Variants in ANO6 observed in about 807,000 individuals in gnomAD.
ANO6 encodes anoctamin 6.
ANO6 carries 106 observed loss-of-function variants against 117.5 expected under a neutral mutation model. The observed-to-expected ratio is 0.90, with a 90% CI of 0.77 to 1.06. The LOEUF (loss-of-function observed/expected upper bound fraction) is 1.06, where lower values mean the gene tolerates loss of function less well. Among genes scored for constraint, ANO6 ranks in the 50% least tolerant of loss-of-function variants. The probability of loss-of-function intolerance (pLI) is 0.00; values close to 1 mark genes in which losing one functional copy is unlikely to be tolerated. For missense variants in ANO6, 955 were observed against 1,121.1 expected (o/e 0.85, Z 2.12); for synonymous variants, 367 against 385.1 (o/e 0.95, Z 0.55).
intron 2 of ANO6, among the ~76,000 whole-genome samples, chr12:45,303,178 G>T (rs995746190): frequency 2.6e-5 from 4 of 152,164 alleles, no homozygotes; most frequent in Non-Finnish European, 5.9e-5. Flanking sequence ...CTAGCAGATT[G>T]CCTACTGTGA....
In ANO6 at chr12:45,414,053, C is replaced by T. The variant is rs559891551; in HGVS notation, c.2012-2646C>T. Among the ~76,000 whole-genome samples the T allele has an allele frequency of 1.6e-4, 25 of 152,086 alleles. No individual in the cohort carries two copies. In the South Asian group the frequency reaches 3.5e-3, roughly 21 times the overall value. ...CTGAAAAGGAACATCAGCTTATGAA[C>T]ATGCAGCCACTGGCAAAGTTAGCAA... On this transcript the variant is annotated intron_variant, in intron 16 of 19. Transcript: ENST00000320560.
In ANO6 at chr12:45,429,656, A is replaced by G. The variant is rs1174553366; in HGVS notation, c.*345A>G. 8 of 1,145,038 alleles carry G rather than the reference A, an allele frequency of 7.0e-6. No individual in the cohort carries two copies. In the South Asian group the frequency reaches 1.0e-4, roughly 15 times the overall value. 70.9% of individuals were successfully genotyped at this position (1,145,038 alleles called of 1,614,324 possible). A position where few individuals can be genotyped will look rare whatever the true frequency, so the allele number is the denominator to read the frequency against. On this transcript the variant is annotated 3_prime_UTR_variant, in exon 20 of 20. Coordinates refer to ENST00000320560, the MANE Select transcript of ANO6 (RefSeq NM_001025356.3). ...TGTTTGATTATTTTCATTTCTGTCT[A>G]TTCTCAGGCGCATGATCTCCTTTAT... is the stretch of plus-strand genomic sequence containing the variant.
At chr12:45,356,776 T>C (rs1221647625) in intron 7 of ANO6, among the ~76,000 whole-genome samples, 1 of 152,086 alleles carries the variant, frequency 6.6e-6, no homozygotes, top group Non-Finnish European at 1.5e-5. Flanking sequence ...GTTTATCTTT[T>C]ATTGAAAAAA....
At chr12:45,418,891 A>T (rs543425160) in intron 17 of ANO6, among the ~76,000 whole-genome samples, 1 of 152,342 alleles carries the variant, frequency 6.6e-6, no homozygotes, top group African/African-American at 2.4e-5. Context: ...AGGATTTGTT[A>T]TACTTCCAAG....
chr12:45,260,933 A>G (rs1216072049), intron 1 of ANO6, among the ~76,000 whole-genome samples: 1 of 151,912 alleles, frequency 6.6e-6, no homozygotes, highest in Non-Finnish European at 1.5e-5. Flanking sequence ...GACTGCAAGC[A>G]TGTGCCACCG....
intron 1 of ANO6, among the ~76,000 whole-genome samples, chr12:45,266,917 G>A (rs994537300): frequency 6.6e-6 from 1 of 151,920 alleles, no homozygotes; most frequent in Non-Finnish European, 1.5e-5. Flanking sequence ...TCAGGTCCCA[G>A]CTTGAGCCAC....
At chr12:45,346,902 AT>A in intron 3 of ANO6, 119 bp from the exon 4 acceptor site, 1 of 839,754 alleles carries the variant, frequency 1.2e-6, no homozygotes, top group Non-Finnish European at 2.0e-6. Flanking sequence ...CCAAATGCTG[AT>A]GCATTTCTTT....
intron 2 of ANO6, among the ~76,000 whole-genome samples, chr12:45,310,230 C>T (rs925988967): frequency 1.3e-5 from 2 of 152,046 alleles, no homozygotes; most frequent in African/African-American, 4.8e-5. Flanking sequence ...GTTATTTTCC[C>T]AGAGAAACAG....
At chr12:45,412,268 TTGA>T (rs1302979947) in intron 16 of ANO6, among the ~76,000 whole-genome samples, 6 of 152,204 alleles carry the variant, frequency 3.9e-5, no homozygotes, top group African/African-American at 1.4e-4. Context: ...TCCTGAGAAC[TTGA>T]TGAGGCCTTC....
intron 8 of ANO6, among the ~76,000 whole-genome samples, chr12:45,362,118 G>T (rs1240717889): frequency 6.6e-6 from 1 of 151,924 alleles, no homozygotes; most frequent in Non-Finnish European, 1.5e-5. Context: ...CTGAGACTGG[G>T]CTTTTCTTTG....
rs1943647223 is a variant in ANO6 at position 45,432,142 on chromosome 12, TGA to T, written c.*2835_*2836del. The T allele has an allele frequency of 4.1e-6, 4 of 985,386 alleles. No individual in the cohort carries two copies. Among genetic ancestry groups the T allele is most frequent in the Non-Finnish European group, 3.6e-6 (3 of 829,910 alleles). 61.0% of individuals were successfully genotyped at this position (985,386 alleles called of 1,614,324 possible). On this transcript the variant is annotated 3_prime_UTR_variant, in exon 20 of 20. Coordinates refer to ENST00000320560, the MANE Select transcript of ANO6 (RefSeq NM_001025356.3). ...TACCATTTTATGTTCATATTATGTT[TGA>T]GAGGGTAAAAATGTATGAGCAGCTT...
At chr12:45,216,449 T>G (rs1947312931) in intron 1 of ANO6, 58 bp downstream of exon 1, 1 of 1,576,860 alleles carries the variant, frequency 6.3e-7, no homozygotes, top group Non-Finnish European at 8.6e-7. Flanking sequence ...GGGAAGAAGT[T>G]CGGGGACTGC....
At chr12:45,432,571 ATTCTT>A (rs781015727), downstream of ANO6, among the ~76,000 whole-genome samples, 6 of 152,210 alleles carry the variant, frequency 3.9e-5, no homozygotes, top group East Asian at 3.8e-4. Flanking sequence ...CCCAAATCCT[ATTCTT>A]TTCATCAATC....
At chr12:45,393,283 G>C (rs1565745377) in intron 12 of ANO6, among the ~76,000 whole-genome samples, 1 of 152,118 alleles carries the variant, frequency 6.6e-6, no homozygotes, top group Non-Finnish European at 1.5e-5. Flanking sequence ...AAAGAGAGAA[G>C]ACAAGGTTAG....
At chr12:45,284,761 A>G (rs1410186734) in intron 1 of ANO6, among the ~76,000 whole-genome samples, 1 of 152,226 alleles carries the variant, frequency 6.6e-6, no homozygotes, top group Non-Finnish European at 1.5e-5. Flanking sequence ...ATGCCAAGTA[A>G]ATGATAGTTA....
intron 3 of ANO6, among the ~76,000 whole-genome samples, chr12:45,345,989 G>T (rs182077728): frequency 7.2e-6 from 1 of 139,008 alleles, no homozygotes; most frequent in Admixed American, 7.3e-5. Flanking sequence ...AAAATGGGGC[G>T]GGGGGGTTAG....
rs549819651 is a variant in ANO6 at position 45,337,454 on chromosome 12, G to C, written c.279+6031G>C. On this transcript the variant is annotated intron_variant, in intron 3 of 19. Transcript: ENST00000320560. ...GGTAGGCTACACCTTCTAGGTTTGT[G>C]TATGTTCATATGTACACTCTATGGT... is the stretch of plus-strand genomic sequence containing the variant. 3.3e-5 allele frequency among the ~76,000 whole-genome samples: 5 copies of C among 152,142 alleles called. No individual in the cohort carries two copies. In the South Asian group the frequency reaches 1.0e-3, roughly 32 times the overall value.
chr12:45,288,409 C>G (rs966642802), intron 1 of ANO6, among the ~76,000 whole-genome samples: 1 of 151,950 alleles, frequency 6.6e-6, no homozygotes, highest in African/African-American at 2.4e-5. Context: ...CCCCATTCCC[C>G]CTTCTCCTGG....
At chr12:45,398,033 G>C (rs1176297374) in intron 12 of ANO6, among the ~76,000 whole-genome samples, 1 of 151,720 alleles carries the variant, frequency 6.6e-6, no homozygotes, top group Non-Finnish European at 1.5e-5. Flanking sequence ...AAGTAAAAAC[G>C]TTTTCTAAAT....
Sources: gnomAD v4.1 joint callset for allele counts (sites outside exome capture counted in the v4.1 genomes callset) on GRCh38, gnomAD v4.1.1 for gene constraint, MANE v1.5 for transcripts, NCBI Gene and HGNC (gene_info 2026-07-23, HGNC 2026-07-21) for gene names.